The following PTPRT variants were observed in gnomAD, a reference collection of about 807,000 sequenced individuals.
PTPRT encodes the protein protein tyrosine phosphatase receptor type T, also known as receptor-type tyrosine-protein phosphatase T.
A neutral mutation model predicts 176.8 loss-of-function variants in PTPRT; 56 were observed. The ratio of observed to expected loss-of-function variants is 0.32; its 90% CI spans 0.26 to 0.40. The LOEUF is 0.40. Ranked by LOEUF, PTPRT falls within the 10% of genes least tolerant of loss-of-function variation. The probability of loss-of-function intolerance (pLI) is 1.00; values close to 1 mark genes in which losing one functional copy is unlikely to be tolerated. For synonymous variants in PTPRT, 783 were observed against 739.0 expected (o/e 1.06, Z -0.96); for missense variants, 1,540 against 1,908.2 (o/e 0.81, Z 3.60).
At chr20:42,405,804 C>T (rs2058955763) in intron 9 of PTPRT, among the ~76,000 whole-genome samples, 1 of 152,148 alleles carries the variant, frequency 6.6e-6, no homozygotes. Context: ...TTTACAGTCC[C>T]ACCAACAGTG....
intron 7 of PTPRT, among the ~76,000 whole-genome samples, chr20:42,652,449 T>C (rs1023144339): frequency 2.0e-5 from 3 of 152,140 alleles, no homozygotes; most frequent in Non-Finnish European, 4.4e-5. Context: ...CAGGGTGTTG[T>C]AACTTTCCAG....
intron 23 of PTPRT, 82 bp from the exon 24 acceptor site, chr20:42,107,003 C>T (rs1986514581): frequency 2.6e-6 from 4 of 1,518,478 alleles, no homozygotes; most frequent in Non-Finnish European, 3.6e-6. Flanking sequence ...CAGCCCTATC[C>T]CCAAGGGTCC....
intron 15 of PTPRT, among the ~76,000 whole-genome samples, chr20:42,219,284 A>G (rs765559064): frequency 6.6e-6 from 1 of 152,186 alleles, no homozygotes; most frequent in Non-Finnish European, 1.5e-5. Context: ...ATTTCTGCCT[A>G]CTGCTTCAAA....
At chr20:42,578,666 C>G (rs1205194032) in intron 7 of PTPRT, among the ~76,000 whole-genome samples, 3 of 152,128 alleles carry the variant, frequency 2.0e-5, no homozygotes. Context: ...TAAAATATAT[C>G]CAGAATCAAA....
chr20:42,971,257 G>T (rs1982621399), intron 1 of PTPRT: 1 of 152,198 alleles, frequency 6.6e-6, no homozygotes, highest in Non-Finnish European at 1.5e-5. Context: ...GCTGTTTGAA[G>T]AATTTTTCAG....
chr20:42,834,818 C>A (rs2078153565), intron 2 of PTPRT, among the ~76,000 whole-genome samples: 1 of 151,762 alleles, frequency 6.6e-6, no homozygotes, highest in Non-Finnish European at 1.5e-5. Context: ...TATATGTGTA[C>A]CAAAAGGAGG....
chr20:43,038,900 A>G lies in PTPRT; in HGVS notation c.88+150746T>C, dbSNP rs575675088. Among the ~76,000 whole-genome samples the G allele has an allele frequency of 3.8e-4, 58 of 152,314 alleles. 1 individual carries two copies. Among genetic ancestry groups the G allele is most frequent in the Admixed American group, 7.2e-4 (11 of 15,308 alleles). On this transcript the variant is annotated intron_variant, in intron 1 of 30. Transcript: ENST00000373187. ...AAATATGCAAGACCTAAAAAAAGAA[A>G]ACTCTTAAACTCCACTGAAGGGCAT... is the stretch of plus-strand genomic sequence containing the variant.
chr20:42,204,262 G>A (rs997797878), intron 15 of PTPRT, among the ~76,000 whole-genome samples: 7 of 151,766 alleles, frequency 4.6e-5, no homozygotes, highest in Admixed American at 1.3e-4. Context: ...CCCCCGCAGA[G>A]CCCACAAAAT....
intron 9 of PTPRT, among the ~76,000 whole-genome samples, chr20:42,371,141 C>A (rs2058581460): frequency 6.6e-6 from 1 of 152,190 alleles, no homozygotes; most frequent in South Asian, 2.1e-4. Flanking sequence ...GGGATGGTGA[C>A]CTCTGGAGTG....
intron 9 of PTPRT, among the ~76,000 whole-genome samples, chr20:42,357,301 C>G (rs1055200542): frequency 1.3e-5 from 2 of 152,204 alleles, no homozygotes; most frequent in Non-Finnish European, 1.5e-5. Context: ...CCCACGCTGC[C>G]TAAAATATTT....
At chr20:42,945,526 CG>C (rs1980832971) in intron 1 of PTPRT, among the ~76,000 whole-genome samples, 1 of 152,202 alleles carries the variant, frequency 6.6e-6, no homozygotes, top group South Asian at 2.1e-4. Context: ...AAAACCCCAG[CG>C]GATGCTCCCT....
intron 7 of PTPRT, among the ~76,000 whole-genome samples, chr20:42,487,369 A>T (rs1290289002): frequency 6.6e-6 from 1 of 152,028 alleles, no homozygotes; most frequent in Non-Finnish European, 1.5e-5. Flanking sequence ...CTGCACACAC[A>T]CCCTGATATC....
chr20:42,175,927 T>A lies in PTPRT; in HGVS notation c.2492-14385A>T, dbSNP rs73260972. On this transcript the variant is annotated intron_variant, in intron 16 of 30. Transcript: ENST00000373187. ...CTGAATGAAGATATCAAGGAAGACA[T>A]CTCTGTCTGCCTCCATCCCCATCTG... Among the ~76,000 whole-genome samples, 579 of 152,298 alleles carry A rather than the reference T, an allele frequency of 3.8e-3. 4 individuals are homozygous for A. Among genetic ancestry groups the A allele is most frequent in the African/African-American group, 0.013 (555 of 41,566 alleles).
At chr20:42,893,476 A>G (rs1165698427) in intron 1 of PTPRT, among the ~76,000 whole-genome samples, 3 of 145,862 alleles carry the variant, frequency 2.1e-5, no homozygotes, top group South Asian at 4.5e-4. Context: ...ATCTAGAACT[A>G]GAAATACCAT....
chr20:42,677,002 G>A (rs1166926932), intron 7 of PTPRT, among the ~76,000 whole-genome samples: 1 of 152,110 alleles, frequency 6.6e-6, no homozygotes, highest in African/African-American at 2.4e-5. Flanking sequence ...AGAGACAGGT[G>A]TAGTCAGTAA....
chr20:42,669,194 T>G (rs1410981126), intron 7 of PTPRT, among the ~76,000 whole-genome samples: 2 of 152,072 alleles, frequency 1.3e-5, no homozygotes, highest in Non-Finnish European at 2.9e-5. Context: ...TTTCTCCACA[T>G]CTTTTTGAGG....
intron 13 of PTPRT, among the ~76,000 whole-genome samples, chr20:42,257,033 T>C (rs1457723494): frequency 2.6e-5 from 4 of 152,190 alleles, no homozygotes; most frequent in Non-Finnish European, 4.4e-5. Context: ...GCGGGTCCCA[T>C]GCAGGGGTCA....
intron 2 of PTPRT, among the ~76,000 whole-genome samples, chr20:42,818,441 CA>C (rs561539585): frequency 6.6e-6 from 1 of 151,782 alleles, no homozygotes; most frequent in South Asian, 2.1e-4. Context: ...AAAGAATCAA[CA>C]AAAAAATGCT....
chr20:42,910,058 C>T (rs2079525612), intron 1 of PTPRT, among the ~76,000 whole-genome samples: 1 of 152,162 alleles, frequency 6.6e-6, no homozygotes, highest in African/African-American at 2.4e-5. Context: ...AAGCTGGTTA[C>T]TTTATCCCCT....
Sources: allele counts gnomAD v4.1 joint callset (sites outside exome capture counted in the v4.1 genomes callset), GRCh38; gene constraint gnomAD v4.1.1; transcripts MANE v1.5; gene names NCBI Gene and HGNC (gene_info 2026-07-23, HGNC 2026-07-21).